Variants in CDK5RAP2 observed in about 807,000 individuals in gnomAD.
The protein encoded by CDK5RAP2 is CDK5 regulatory subunit associated protein 2.
Under a neutral mutation model 232.9 loss-of-function variants are expected in CDK5RAP2, and 147 were observed. The ratio of observed to expected loss-of-function variants is 0.63; its 90% CI spans 0.55 to 0.72. The LOEUF (loss-of-function observed/expected upper bound fraction) is 0.72, where lower values mean the gene tolerates loss of function less well. Ranked by LOEUF, CDK5RAP2 falls within the 30% of genes least tolerant of loss-of-function variation. The probability of loss-of-function intolerance (pLI) is 0.00; values close to 1 mark genes in which losing one functional copy is unlikely to be tolerated. For synonymous variants in CDK5RAP2, 833 were observed against 833.7 expected, an observed-to-expected ratio of 1.00 and a Z score of 0.01; for missense variants, 2,195 against 2,231.5, an observed-to-expected ratio of 0.98 and a Z score of 0.33.
rs539829683 is a variant in CDK5RAP2, at chr9:120,500,926, G to C, written c.1312-9449C>G. Among the ~76,000 whole-genome samples, 4 of 152,274 alleles carry C rather than the reference G, an allele frequency of 2.6e-5. No homozygotes were observed. In the East Asian group the frequency reaches 7.7e-4, roughly 29 times the overall value. ...TGTGGCTAAAGAACGGGTACTGAGT[G>C]GAGTAAGGGGGGGCCTGGGAACTCC... On this transcript the variant is annotated intron_variant, in intron 12 of 37. Coordinates refer to ENST00000349780, the MANE Select transcript of CDK5RAP2 (RefSeq NM_018249.6).
chr9:120,577,511 T>C (rs2043081677), intron 1 of CDK5RAP2, among the ~76,000 whole-genome samples: 1 of 152,184 alleles, frequency 6.6e-6, no homozygotes, highest in Non-Finnish European at 1.5e-5. Flanking sequence ...GTGGTGACCG[T>C]TGAGCAATAA....
intron 6 of CDK5RAP2, among the ~76,000 whole-genome samples, chr9:120,538,193 AT>A (rs1379516480): frequency 2.0e-5 from 3 of 152,196 alleles, no homozygotes; most frequent in African/African-American, 7.2e-5. Flanking sequence ...CAAGACGACA[AT>A]TTAAGGGCTG....
At chr9:120,513,190 A>G (rs537270071) in intron 12 of CDK5RAP2, among the ~76,000 whole-genome samples, 1 of 152,234 alleles carries the variant, frequency 6.6e-6, no homozygotes, top group South Asian at 2.1e-4. Flanking sequence ...TTTTTCCCCT[A>G]TAACCCTGAC....
chr9:120,398,318 G>C (rs1001957406), intron 35 of CDK5RAP2, among the ~76,000 whole-genome samples: 3 of 152,048 alleles, frequency 2.0e-5, no homozygotes, highest in African/African-American at 7.2e-5. Context: ...CCCAATAAAA[G>C]TATTTGCTTT....
At chr9:120,483,522 C>T (rs976320322) in intron 14 of CDK5RAP2, among the ~76,000 whole-genome samples, 2 of 152,254 alleles carry the variant, frequency 1.3e-5, no homozygotes, top group Non-Finnish European at 2.9e-5. Context: ...AGCCTCAAGT[C>T]TGCTCCCAGT....
intron 15 of CDK5RAP2, among the ~76,000 whole-genome samples, chr9:120,474,108 G>A (rs962090115): frequency 3.9e-5 from 6 of 152,146 alleles, no homozygotes; most frequent in South Asian, 2.1e-4. Flanking sequence ...ATTTCCTCAC[G>A]CAAAATGGGA....
intron 13 of CDK5RAP2, among the ~76,000 whole-genome samples, chr9:120,490,075 G>A (rs1264196462): frequency 6.6e-6 from 1 of 152,146 alleles, no homozygotes; most frequent in Non-Finnish European, 1.5e-5. Flanking sequence ...CCAAAGTGCT[G>A]GAATTTCAGG....
intron 11 of CDK5RAP2, 56 bp from the exon 12 acceptor site, chr9:120,518,701 A>C (rs1366653451): frequency 1.4e-6 from 2 of 1,389,536 alleles, no homozygotes; most frequent in African/African-American, 2.8e-5. Flanking sequence ...CATGAAACAA[A>C]CCAAGAAACC....
chr9:120,559,143 T>G (rs2042360379), intron 3 of CDK5RAP2, among the ~76,000 whole-genome samples: 1 of 152,072 alleles, frequency 6.6e-6, no homozygotes, highest in African/African-American at 2.4e-5. Context: ...GTCTAAGAAT[T>G]AAAAGAAATT....
At chr9:120,401,194 T>G (rs943191211) in intron 34 of CDK5RAP2, among the ~76,000 whole-genome samples, 1 of 152,078 alleles carries the variant, frequency 6.6e-6, no homozygotes, top group African/African-American at 2.4e-5. Flanking sequence ...TTCTTACTGT[T>G]TGGCGACCCA....
In CDK5RAP2 at chr9:120,472,864, C is replaced by A. The variant is rs548509175; in HGVS notation, c.1728-986G>T. ...TACAGTAGCCACTAGCTAAATGTGT[C>A]TATTGAGCACTTGAAATGTAGCTAA... On this transcript the variant is annotated intron_variant, in intron 15 of 37. Coordinates refer to ENST00000349780, the MANE Select transcript of CDK5RAP2 (RefSeq NM_018249.6). 3.3e-5 allele frequency among the ~76,000 whole-genome samples: 5 copies of A among 152,344 alleles called. 1 individual carries two copies. In the South Asian group the frequency reaches 1.0e-3, roughly 32 times the overall value.
At chr9:120,415,290 T>C (rs975087623) in intron 27 of CDK5RAP2, 131 bp from the exon 28 acceptor site, 1 of 1,017,028 alleles carries the variant, frequency 9.8e-7, no homozygotes, top group Non-Finnish European at 1.5e-6. Flanking sequence ...CTGGCAATTC[T>C]TTCCTAGGCA....
At chr9:120,551,868 C>T (rs1194963952) in intron 3 of CDK5RAP2, among the ~76,000 whole-genome samples, 1 of 152,030 alleles carries the variant, frequency 6.6e-6, no homozygotes, top group Admixed American at 6.6e-5. Context: ...CTTAAGAGTG[C>T]TGTGTGCAAA....
chr9:120,452,273 G>A (rs1054906249), intron 21 of CDK5RAP2, among the ~76,000 whole-genome samples: 3 of 138,002 alleles, frequency 2.2e-5, no homozygotes, highest in African/African-American at 9.7e-5. Context: ...TCTCTCTCTG[G>A]TCTCTACTGA....
intron 23 of CDK5RAP2, 92 bp downstream of exon 23, chr9:120,443,528 G>T: frequency 7.3e-7 from 1 of 1,377,192 alleles, no homozygotes. Flanking sequence ...TGAGAGGGCT[G>T]CTATGGGCTT....
intron 3 of CDK5RAP2, among the ~76,000 whole-genome samples, chr9:120,555,846 AT>A (rs2042208689): frequency 6.6e-6 from 1 of 152,256 alleles, no homozygotes; most frequent in Non-Finnish European, 1.5e-5. Context: ...GTAGACATCC[AT>A]ATGACAGAAT....
In CDK5RAP2 at chr9:120,508,108, C is replaced by T. The variant is rs569404946; in HGVS notation, c.1311+10319G>A. ...GATGGAGAATGAGAAGGTTCTCATC[C>T]ATCAAATTTCCACCTTATCAGGTTT... On this transcript the variant is annotated intron_variant, in intron 12 of 37. Coordinates refer to ENST00000349780, the MANE Select transcript of CDK5RAP2 (RefSeq NM_018249.6). 1.7e-3 allele frequency among the ~76,000 whole-genome samples: 256 copies of T among 151,958 alleles called. 2 individuals are homozygous for T. The highest frequency in any genetic ancestry group is 5.5e-3 in the African/African-American group (228 of 41,418).
chr9:120,421,727 T>A (rs7871099), intron 26 of CDK5RAP2, among the ~76,000 whole-genome samples: 12,512 of 152,274 alleles, frequency 0.082, 1,024 homozygotes, highest in African/African-American at 0.22. Flanking sequence ...TATTCCATGA[T>A]TATTTTCTGA....
chr9:120,426,381 C>T (rs2034903627), intron 25 of CDK5RAP2, among the ~76,000 whole-genome samples: 1 of 152,146 alleles, frequency 6.6e-6, no homozygotes, highest in Non-Finnish European at 1.5e-5. Flanking sequence ...GTGAGGTATA[C>T]ACTGGTCTGG....
Sources: gnomAD v4.1 joint callset for allele counts (sites outside exome capture counted in the v4.1 genomes callset) on GRCh38, gnomAD v4.1.1 for gene constraint, MANE v1.5 for transcripts, NCBI Gene and HGNC (gene_info 2026-07-23, HGNC 2026-07-21) for gene names.